Variants in DIO2 observed in about 807,000 individuals in gnomAD.
DIO2 encodes type II iodothyronine deiodinase.
A neutral mutation model predicts 21.4 loss-of-function variants in DIO2; 19 were observed. The observed-to-expected ratio is 0.89, with a 90% CI of 0.62 to 1.30. The LOEUF is 1.30. Among genes scored for constraint, DIO2 ranks in the 50% most tolerant of loss-of-function variants. The probability of loss-of-function intolerance (pLI) is 0.00; values close to 1 mark genes in which losing one functional copy is unlikely to be tolerated. For synonymous variants in DIO2, 122 were observed against 132.9 expected (o/e 0.92, Z 0.57); for missense variants, 302 against 338.1 (o/e 0.89, Z 0.84).
intron 1 of DIO2, among the ~76,000 whole-genome samples, chr14:80,203,801 C>T (rs1041213941): frequency 3.9e-4 from 59 of 152,318 alleles, no homozygotes; most frequent in African/African-American, 1.4e-3. Flanking sequence ...AACCAATGGC[C>T]AGTGATACCA....
In DIO2 at chr14:80,202,526, TA is replaced by T; in HGVS notation, c.*162del. 1.3e-6 allele frequency: 1 copy of T among 757,928 alleles called. No individual in the cohort carries two copies. The highest frequency in any genetic ancestry group is 2.2e-6 in the Non-Finnish European group (1 of 464,064). 47.0% of individuals were successfully genotyped at this position (757,928 alleles called of 1,614,324 possible). ...CTTACTCAGCCCAATGCCATTTGAG[TA>T]GTGAAAGAAGTATGGAGCTGTTAGA... On this transcript the variant is annotated 3_prime_UTR_variant, in exon 2 of 2. Transcript: ENST00000438257.
intron 2 of DIO2, among the ~76,000 whole-genome samples, chr14:80,226,315 C>T (rs537668797): frequency 2.0e-5 from 3 of 152,260 alleles, no homozygotes; most frequent in African/African-American, 7.2e-5. Flanking sequence ...ATTCCATGAG[C>T]GTGAGCCCAC....
intron 2 of DIO2, among the ~76,000 whole-genome samples, chr14:80,220,194 C>G (rs753982662): frequency 6.6e-6 from 1 of 152,140 alleles, no homozygotes; most frequent in African/African-American, 2.4e-5. Flanking sequence ...CCTGCCTCAG[C>G]CTTCTGAGCA....
rs776765611 is a variant in DIO2 at position 80,203,295 on chromosome 14, G to GT, written c.223-8dup. 15 of 1,397,846 alleles carry GT rather than the reference G, an allele frequency of 1.1e-5. No individual in the cohort carries two copies. The highest frequency in any genetic ancestry group is 1.4e-5 in the Non-Finnish European group (15 of 1,084,650). The allele number at this position is 1,397,846 out of a possible 1,614,324, so 86.6% of individuals were successfully genotyped here. A position where few individuals can be genotyped will look rare whatever the true frequency, so the allele number is the denominator to read the frequency against. Reference sequence around the variant, plus strand: ...CATCCTCACCCAATTTCACCTGACGGTAAAAAAAAAAAAAAAGAAGAAGAA... The same window carrying GT: ...CATCCTCACCCAATTTCACCTGACGGTTAAAAAAAAAAAAAAAGAAGAAGAA... On this transcript the variant is annotated splice_polypyrimidine_tract_variant and splice_region_variant and intron_variant, in intron 1 of 1. Transcript: ENST00000438257.
chr14:80,223,952 A>G (rs1888518754), intron 2 of DIO2, among the ~76,000 whole-genome samples: 1 of 152,246 alleles, frequency 6.6e-6, no homozygotes, highest in African/African-American at 2.4e-5. Flanking sequence ...ATTATATCAC[A>G]GGCCACCAAG....
At chr14:80,207,665 A>G (rs1300694875) in intron 1 of DIO2, among the ~76,000 whole-genome samples, 1 of 152,216 alleles carries the variant, frequency 6.6e-6, no homozygotes, top group African/African-American at 2.4e-5. Flanking sequence ...TATCATTAAG[A>G]AGAGATTTAA....
At chr14:80,227,106 T>TC (rs1413980591) in intron 2 of DIO2, among the ~76,000 whole-genome samples, 1 of 152,090 alleles carries the variant, frequency 6.6e-6, no homozygotes, top group Admixed American at 6.6e-5. Flanking sequence ...TCCACTGCTG[T>TC]CCCCCAGTGA....
chr14:80,203,396 A>T (rs1887826139), intron 1 of DIO2, 108 bp from the exon 2 acceptor site: 2 of 1,295,856 alleles, frequency 1.5e-6, no homozygotes, highest in Non-Finnish European at 2.1e-6. Context: ...GCTCTAATAG[A>T]GTGTGGTATT....
chr14:80,203,296 T>TAAAA lies in DIO2; in HGVS notation c.223-12_223-9dup, dbSNP rs5809986. On this transcript the variant is annotated splice_polypyrimidine_tract_variant and intron_variant, in intron 1 of 1. Coordinates refer to ENST00000438257, the MANE Select transcript of DIO2 (RefSeq NM_013989.5). ...ATCCTCACCCAATTTCACCTGACGG[T>TAAAA]AAAAAAAAAAAAAAAGAAGAAGAAG... 2.4e-5 allele frequency: 33 copies of TAAAA among 1,394,414 alleles called. No homozygotes were observed. The highest frequency in any genetic ancestry group is 2.1e-4 in the Middle Eastern group (1 of 4,820). 86.4% of individuals were successfully genotyped at this position (1,394,414 alleles called of 1,614,324 possible). A position where few individuals can be genotyped will look rare whatever the true frequency, so the allele number is the denominator to read the frequency against.
chr14:80,203,311 A>AAG, intron 1 of DIO2, 23 bp from the exon 2 acceptor site: 1 of 1,191,974 alleles, frequency 8.4e-7, no homozygotes. Flanking sequence ...AAAAAAAAAA[A>AAG]GAAGAAGAAG....
chr14:80,222,832 G>GA (rs1273068834), intron 2 of DIO2, among the ~76,000 whole-genome samples: 3 of 150,574 alleles, frequency 2.0e-5, no homozygotes, highest in Non-Finnish European at 4.4e-5. Context: ...ATGTACAGAG[G>GA]AAAAATGGAA....
intron 2 of DIO2, chr14:80,230,792 A>G (rs1175677431): frequency 6.6e-6 from 1 of 152,190 alleles, no homozygotes; most frequent in South Asian, 2.1e-4. Context: ...TTCATCCTTA[A>G]TATTATGTTC....
intron 2 of DIO2, chr14:80,219,504 C>CT (rs1566666996): frequency 2.1e-5 from 3 of 142,034 alleles, no homozygotes; most frequent in East Asian, 4.2e-4. Flanking sequence ...AACTGTAAGT[C>CT]ATTTTTTTTT....
chr14:80,226,732 G>A (rs1160905835), intron 2 of DIO2, among the ~76,000 whole-genome samples: 3 of 152,194 alleles, frequency 2.0e-5, no homozygotes, highest in African/African-American at 7.2e-5. Context: ...TTGTTCATGG[G>A]CCCATTGGGC....
At chr14:80,211,923 C>T (rs12885300), upstream of DIO2, 40,901 of 150,126 alleles carry the variant, frequency 0.27, 6,993 homozygotes, top group Non-Finnish European at 0.37. Flanking sequence ...TTTTCTTTAG[C>T]CTTTCATTGT....
rs565252774 is a variant in DIO2 at position 80,199,806 on chromosome 14, T to C, written c.*2883A>G. The C allele has an allele frequency of 2.6e-5, 4 of 152,664 alleles. No individual in the cohort carries two copies. In the East Asian group the frequency reaches 5.8e-4, roughly 22 times the overall value. The allele number at this position is 152,664 out of a possible 1,614,324, so 9.5% of individuals were successfully genotyped here. ...AACACAGCCTATGGGAGAAACATGA[T>C]TAGGGACTAAGAAAGAGAACTCAGA... On this transcript the variant is annotated 3_prime_UTR_variant, in exon 2 of 2. Coordinates refer to ENST00000438257, the MANE Select transcript of DIO2 (RefSeq NM_013989.5).
intron 1 of DIO2, among the ~76,000 whole-genome samples, chr14:80,209,728 T>A (rs1160169848): frequency 1.3e-5 from 2 of 152,232 alleles, no homozygotes; most frequent in Non-Finnish European, 2.9e-5. Flanking sequence ...TTCCATCTAC[T>A]AATAAGAGCT....
intron 2 of DIO2, among the ~76,000 whole-genome samples, chr14:80,225,706 C>T (rs1027486811): frequency 1.2e-4 from 19 of 152,106 alleles, no homozygotes; most frequent in Admixed American, 1.2e-3. Flanking sequence ...ACCTTCATTC[C>T]TGAGGGGTCT....
intron 2 of DIO2, among the ~76,000 whole-genome samples, chr14:80,228,524 G>C (rs1028849142): frequency 6.6e-6 from 1 of 152,180 alleles, no homozygotes; most frequent in African/African-American, 2.4e-5. Context: ...TCAAGCCCTT[G>C]ATGGTGGCAC....
Sources: gnomAD v4.1 joint callset for allele counts (sites outside exome capture counted in the v4.1 genomes callset) on GRCh38, gnomAD v4.1.1 for gene constraint, MANE v1.5 for transcripts, NCBI Gene and HGNC (gene_info 2026-07-23, HGNC 2026-07-21) for gene names.